GRAMD4: variants seen among roughly 807,000 people sequenced by gnomAD.
GRAMD4 encodes the protein GRAM domain containing 4, also known as GRAM domain-containing protein 4.
Under a neutral mutation model 83.9 loss-of-function variants are expected in GRAMD4, and 25 were observed. That is an observed-to-expected ratio of 0.30 (90% CI 0.22 to 0.42). GRAMD4 has a LOEUF of 0.42. GRAMD4 is among the 10% of genes least tolerant of loss of function. The probability of loss-of-function intolerance (pLI) is 1.00; values close to 1 mark genes in which losing one functional copy is unlikely to be tolerated. For missense variants in GRAMD4, 593 were observed against 788.7 expected (o/e 0.75, Z 2.97); for synonymous variants, 336 against 320.9 (o/e 1.05, Z -0.50).
chr22:46,606,981 C>T (rs2081371746), intron 1 of GRAMD4, among the ~76,000 whole-genome samples: 1 of 149,142 alleles, frequency 6.7e-6, no homozygotes, highest in Non-Finnish European at 1.5e-5. Flanking sequence ...TATGGCTTAC[C>T]CTCCCCAGCT....
chr22:46,633,565 G>T (rs1487667500), intron 2 of GRAMD4, among the ~76,000 whole-genome samples: 1 of 152,234 alleles, frequency 6.6e-6, no homozygotes, highest in African/African-American at 2.4e-5. Flanking sequence ...GGGGGCTCTG[G>T]CCGGCCCTGC....
At chr22:46,579,015 CT>C (rs1288147808) in intron 1 of GRAMD4, among the ~76,000 whole-genome samples, 11 of 152,262 alleles carry the variant, frequency 7.2e-5, no homozygotes, top group Admixed American at 6.5e-5. Flanking sequence ...TCAGCTGCCC[CT>C]ATGGCTGATG....
intron 1 of GRAMD4, among the ~76,000 whole-genome samples, chr22:46,614,234 A>G (rs2147101137): frequency 6.6e-6 from 1 of 152,334 alleles, no homozygotes; most frequent in South Asian, 2.1e-4. Flanking sequence ...AACGCTGTGC[A>G]ATGATGGCCG....
intron 4 of GRAMD4, 118 bp downstream of exon 4, chr22:46,658,425 G>A: frequency 1.9e-6 from 2 of 1,037,570 alleles, no homozygotes; most frequent in Admixed American, 2.2e-5. Flanking sequence ...CTTGGCCCTG[G>A]AGAGGCCTGA....
chr22:46,628,844 G>T (rs551733455), intron 2 of GRAMD4, among the ~76,000 whole-genome samples: 22 of 152,138 alleles, frequency 1.4e-4, no homozygotes, highest in Admixed American at 1.4e-3. Flanking sequence ...CTGGGGAGTA[G>T]CTTGGAGAAT....
chr22:46,667,190 CA>C (rs1037680463), intron 10 of GRAMD4, among the ~76,000 whole-genome samples: 2 of 152,304 alleles, frequency 1.3e-5, no homozygotes, highest in Middle Eastern at 3.4e-3. Flanking sequence ...CTGTAGCCCC[CA>C]CAACCTCCCC....
At chr22:46,673,529 C>T (rs966376458) in intron 14 of GRAMD4, 141 bp from the exon 15 acceptor site, 6 of 1,038,084 alleles carry the variant, frequency 5.8e-6, no homozygotes, top group East Asian at 2.4e-5. Context: ...AAGAAGGAGC[C>T]GCTCTGGGCC....
At chr22:46,613,293 G>A (rs906048580) in intron 1 of GRAMD4, among the ~76,000 whole-genome samples, 3 of 152,200 alleles carry the variant, frequency 2.0e-5, no homozygotes, top group Non-Finnish European at 2.9e-5. Context: ...CCTGGCTTCC[G>A]GCTGCCGCGA....
chr22:46,652,216 G>A (rs897790181), intron 3 of GRAMD4, among the ~76,000 whole-genome samples: 2 of 152,156 alleles, frequency 1.3e-5, no homozygotes, highest in African/African-American at 4.8e-5. Flanking sequence ...CACCACAAAG[G>A]TTCTGAGAAG....
At chr22:46,675,262 TGTGA>T (rs372379542) in intron 16 of GRAMD4, among the ~76,000 whole-genome samples, 9,016 of 151,772 alleles carry the variant, frequency 0.059, 717 homozygotes, top group African/African-American at 0.18. Context: ...GAGCAGTGGC[TGTGA>T]GTGTTTCACA....
At chr22:46,584,855 G>A (rs908058406) in intron 1 of GRAMD4, among the ~76,000 whole-genome samples, 5 of 152,344 alleles carry the variant, frequency 3.3e-5, no homozygotes, top group African/African-American at 9.6e-5. Flanking sequence ...GACTTAGAAC[G>A]CATCCCAGAG....
chr22:46,678,212 C>T lies in GRAMD4; in HGVS notation c.*961C>T. 1.0e-6 allele frequency: 1 copy of T among 985,432 alleles called. No individual in the cohort carries two copies. The highest frequency in any genetic ancestry group is 1.2e-6 in the Non-Finnish European group (1 of 829,978). The allele number at this position is 985,432 out of a possible 1,614,324, so 61.0% of individuals were successfully genotyped here. A position where few individuals can be genotyped will look rare whatever the true frequency, so the allele number is the denominator to read the frequency against. ...GGGGGAGGAAGTGGGGAGGAGTGTT[C>T]CGGGACCATGGTGGCCCAGGCTGCA... On this transcript the variant is annotated 3_prime_UTR_variant, in exon 19 of 19. Transcript: ENST00000406902.
In GRAMD4 at chr22:46,621,975, C is replaced by T. The variant is rs555516232; in HGVS notation, c.-50+1410C>T. Among the ~76,000 whole-genome samples the T allele has an allele frequency of 2.0e-5, 3 of 152,290 alleles. No homozygotes were observed. Among genetic ancestry groups the T allele is most frequent in the African/African-American group, 7.2e-5 (3 of 41,546 alleles). On this transcript the variant is annotated intron_variant, in intron 1 of 18. Coordinates refer to ENST00000406902, the MANE Select transcript of GRAMD4 (RefSeq NM_015124.5). The surrounding 1 kb of genome is among the most constrained non-coding windows in gnomAD (Gnocchi z 5.8). ...GTCGTCTAGGACCCTGATGTGTGGA[C>T]GCCCTCCCCAAGGGCCGCTGTGAAC...
intron 3 of GRAMD4, among the ~76,000 whole-genome samples, chr22:46,645,356 C>G: frequency 6.6e-6 from 1 of 152,208 alleles, no homozygotes; most frequent in African/African-American, 2.4e-5. Flanking sequence ...CTGGTTGTCA[C>G]TAAGCCAACG....
At position 46,586,389 on chromosome 22, in the gene GRAMD4, C is replaced by T. The variant is rs73888567; in HGVS notation, c.-50+9099C>T. On this transcript the variant is annotated intron_variant, in intron 1 of 1. Coordinates refer to the GRAMD4 transcript ENST00000431155. The stretch of plus-strand genomic sequence containing the variant: ...CGGTGCGATGGTCGGAGGCATTTGC[C>T]GGGTGATGCTGGCTCGGAGGGGCTC... Among the ~76,000 whole-genome samples the T allele has an allele frequency of 5.1e-3, 777 of 152,184 alleles. 8 individuals carry two copies. The highest frequency in any genetic ancestry group is 0.018 in the African/African-American group (747 of 41,542).
intron 2 of GRAMD4, among the ~76,000 whole-genome samples, chr22:46,636,981 G>A (rs374551724): frequency 7.9e-5 from 12 of 152,336 alleles, no homozygotes; most frequent in South Asian, 4.1e-4. Context: ...GCTGTGAGCC[G>A]CGGTTTTCAT....
chr22:46,583,727 G>T (rs1037498249), intron 1 of GRAMD4, among the ~76,000 whole-genome samples: 1 of 152,234 alleles, frequency 6.6e-6, no homozygotes, highest in African/African-American at 2.4e-5. Flanking sequence ...ACCACGTCAC[G>T]CCAGGCGCAT....
At chr22:46,632,604 C>A (rs915632048) in intron 2 of GRAMD4, among the ~76,000 whole-genome samples, 1 of 152,164 alleles carries the variant, frequency 6.6e-6, no homozygotes, top group African/African-American at 2.4e-5. Flanking sequence ...ACAGGGCTTG[C>A]AGAAGGATTC....
chr22:46,658,166 T>G lies in GRAMD4; in HGVS notation c.284-21T>G, dbSNP rs781614562. 4 of 1,613,304 alleles carry G rather than the reference T, an allele frequency of 2.5e-6. No individual in the cohort carries two copies. The South Asian group carries it at 4.4e-5, about 18-fold the overall frequency. ...CGCGTGGACATGAGCGATGGTCACCTGGCCGTTCTCTCCCCCATAGAGGAG... is the reference window on the plus strand; with the variant it reads ...CGCGTGGACATGAGCGATGGTCACCGGGCCGTTCTCTCCCCCATAGAGGAG... On this transcript the variant is annotated intron_variant, in intron 3 of 18. Coordinates refer to ENST00000406902, the MANE Select transcript of GRAMD4 (RefSeq NM_015124.5).
Sources: gnomAD v4.1 joint callset for allele counts (sites outside exome capture counted in the v4.1 genomes callset) on GRCh38, gnomAD v4.1.1 for gene constraint, Gnocchi (gnomAD v3.1) non-coding constraint, MANE v1.5 for transcripts, NCBI Gene and HGNC (gene_info 2026-07-23, HGNC 2026-07-21) for gene names.